Variants in LONP1 observed in about 807,000 individuals in gnomAD.
LONP1 encodes the protein lon protease homolog, mitochondrial.
Under a neutral mutation model 98.5 loss-of-function variants are expected in LONP1, and 31 were observed. The ratio of observed to expected loss-of-function variants is 0.31; its 90% CI spans 0.24 to 0.42. The LOEUF (loss-of-function observed/expected upper bound fraction) is 0.42. Ranked by LOEUF, LONP1 falls within the 20% of genes least tolerant of loss-of-function variation. The pLI is 1.00. For missense variants in LONP1, 1,336 were observed against 1,350.6 expected (o/e 0.99, Z 0.17); for synonymous variants, 781 against 594.7 (o/e 1.31, Z -4.56).
chr19:5,717,815 A>C (rs1242574272), intron 1 of LONP1, among the ~76,000 whole-genome samples: 1 of 151,774 alleles, frequency 6.6e-6, no homozygotes, highest in Non-Finnish European at 1.5e-5. Context: ...CCCAGTTTCA[A>C]GTGATCCTCC....
intron 17 of LONP1, among the ~76,000 whole-genome samples, chr19:5,692,410 C>G (rs1327519210): frequency 1.3e-5 from 2 of 152,220 alleles, no homozygotes; most frequent in Non-Finnish European, 2.9e-5. Context: ...TTGGCTCCAA[C>G]AGCCTGAGAG....
chr19:5,707,618 G>C, intron 6 of LONP1, 79 bp downstream of exon 6: 1 of 1,519,772 alleles, frequency 6.6e-7, no homozygotes, highest in South Asian at 1.2e-5. Flanking sequence ...GAGGAACGGG[G>C]GCAGCCGGGC....
At chr19:5,708,289 G>T (rs2055179744) in intron 5 of LONP1, 53 bp downstream of exon 5, 1 of 1,571,148 alleles carries the variant, frequency 6.4e-7, no homozygotes, top group Non-Finnish European at 8.7e-7. Flanking sequence ...CCCAGCTGCA[G>T]AAAGAGCTGC....
Position 5,720,108 on chromosome 19 carries a change from G to C in LONP1, c.25C>G (p.Arg9Gly), listed in dbSNP as rs1203768141. The stretch of plus-strand genomic sequence containing the variant: ...CAGCACCGCGCCGCTCCCCACAGTC[G>C]CACGTAGCCAGTGCTCGCCGCCATA... MAASTGYV[R>G]LWGAARCWVL... is the part of the protein sequence containing the mutation. Residue 9 changes from arginine (R) to glycine (G), a missense_variant, in exon 1 of 18, where the codon CGA becomes GGA. Transcript: ENST00000360614. 1 of 1,452,778 alleles carries C rather than the reference G, an allele frequency of 6.9e-7. No individual in the cohort carries two copies. The highest frequency in any genetic ancestry group is 9.0e-7 in the Non-Finnish European group (1 of 1,112,072). 90.0% of individuals were successfully genotyped at this position (1,452,778 alleles called of 1,614,324 possible).
chr19:5,703,478 G>A (rs539996205), intron 8 of LONP1, among the ~76,000 whole-genome samples: 2 of 152,270 alleles, frequency 1.3e-5, no homozygotes, highest in African/African-American at 2.4e-5. Flanking sequence ...GCAGTGAGCA[G>A]CGGCCACTAT....
At chr19:5,693,917 C>T (rs1448719843) in intron 15 of LONP1, 148 bp from the exon 16 acceptor site, 7 of 694,290 alleles carry the variant, frequency 1.0e-5, no homozygotes, top group African/African-American at 5.3e-5. Context: ...CGTGAGCCAA[C>T]GCTGGCCTCT....
At chr19:5,695,866 CCCACTCGCGCCACCTGCAG>C (rs2054916721) in intron 13 of LONP1, among the ~76,000 whole-genome samples, 169 bp downstream of exon 13, 1 of 152,204 alleles carries the variant, frequency 6.6e-6, no homozygotes, top group South Asian at 2.1e-4. Context: ...AAACCCTGCG[CCCACTCGCGCCACCTGCAG>C]CTGCTCGCAA....
intron 7 of LONP1, 67 bp from the exon 8 acceptor site, chr19:5,706,059 A>C: frequency 4.0e-6 from 4 of 1,002,996 alleles, no homozygotes; most frequent in Admixed American, 1.8e-5. Context: ...GCGTCCCCAG[A>C]CGAAGGGGGA....
At chr19:5,698,073 A>AC (rs1287181082) in intron 10 of LONP1, among the ~76,000 whole-genome samples, 1 of 70,836 alleles carries the variant, frequency 1.4e-5, no homozygotes, top group Non-Finnish European at 2.8e-5. Flanking sequence ...TCCCCCTCAC[A>AC]CCCCCCACCC....
intron 4 of LONP1, among the ~76,000 whole-genome samples, chr19:5,711,087 C>T (rs2055230034): frequency 6.6e-6 from 1 of 152,072 alleles, no homozygotes; most frequent in Non-Finnish European, 1.5e-5. Flanking sequence ...AAGTGCTGAC[C>T]TCAAGAACCC....
rs765767961 is a variant in LONP1, at chr19:5,692,098, G to A, written c.2814C>T (p.His938=). The A allele has an allele frequency of 6.2e-7, 1 of 1,614,172 alleles. No homozygotes were observed. The highest frequency in any genetic ancestry group is 8.5e-7 in the Non-Finnish European group (1 of 1,180,034). Reference sequence around the variant, plus strand: ...AGGCGATGTCGAAGATCTCCCGGTAGTGTTCCACGAAGTGCACCTCCAGGC... The same window carrying A: ...AGGCGATGTCGAAGATCTCCCGGTAATGTTCCACGAAGTGCACCTCCAGGC... ...TEGLEVHFVE[H]YREIFDIAFP... is the part of the protein sequence containing the mutation. Residue 938 remains histidine, a synonymous_variant, in exon 18 of 18, where the codon CAC becomes CAT. Transcript: ENST00000360614.
At chr19:5,716,715 A>T (rs2055330332) in intron 1 of LONP1, among the ~76,000 whole-genome samples, 1 of 152,176 alleles carries the variant, frequency 6.6e-6, no homozygotes, top group Non-Finnish European at 1.5e-5. Flanking sequence ...TTTCTTAGCA[A>T]GACAATTTTA....
intron 4 of LONP1, among the ~76,000 whole-genome samples, chr19:5,710,332 G>T (rs548650866): frequency 6.6e-6 from 1 of 151,652 alleles, no homozygotes; most frequent in Admixed American, 6.6e-5. Context: ...CAGGTGATCC[G>T]CCCACCTCGG....
At chr19:5,700,072 G>A (rs1364955639) in intron 9 of LONP1, among the ~76,000 whole-genome samples, 8 of 152,106 alleles carry the variant, frequency 5.3e-5, no homozygotes, top group African/African-American at 1.4e-4. Context: ...CCAAGTAGCT[G>A]GGACTGCAGA....
chr19:5,718,976 C>G (rs2055374285), intron 1 of LONP1, among the ~76,000 whole-genome samples: 1 of 152,180 alleles, frequency 6.6e-6, no homozygotes, highest in Non-Finnish European at 1.5e-5. Context: ...CATCCATGCT[C>G]TACTATTTCT....
chr19:5,713,023 C>T (rs1301302730), intron 3 of LONP1, 111 bp downstream of exon 3: 36 of 1,486,822 alleles, frequency 2.4e-5, no homozygotes, highest in Admixed American at 6.8e-5. Flanking sequence ...GTGAGAAAGC[C>T]GCTGGGCTGA....
intron 7 of LONP1, among the ~76,000 whole-genome samples, chr19:5,706,348 C>T (rs1394257375): frequency 2.0e-4 from 30 of 152,150 alleles, no homozygotes. Context: ...GTGGCTCACG[C>T]CTGTAATCCT....
At chr19:5,708,274 A>T in intron 5 of LONP1, 68 bp downstream of exon 5, 2 of 1,494,144 alleles carry the variant, frequency 1.3e-6, no homozygotes, top group Non-Finnish European at 1.8e-6. Context: ...GAAGCCCCCT[A>T]CCCACCCAGC....
Position 5,692,137 on chromosome 19 carries a change from G to C in LONP1, c.2775C>G (p.Ala925=). 6.2e-7 allele frequency: 1 copy of C among 1,614,174 alleles called. No homozygotes were observed. ...ENKKDFYDLA[A]FITEGLEVHF... is the part of the protein sequence containing the mutation. ...GCACCTCCAGGCCCTCGGTGATGAA[G>C]GCTGCCAGGTCGTAGAAGTCCTTCT... The change falls in exon 18 of 18, where the codon GCC becomes GCG. Residue 925 remains alanine (A), a synonymous_variant. Transcript: ENST00000360614.
Sources: gnomAD v4.1 joint callset for allele counts (sites outside exome capture counted in the v4.1 genomes callset) on GRCh38, gnomAD v4.1.1 for gene constraint, MANE v1.5 for transcripts, NCBI Gene and HGNC (gene_info 2026-07-23, HGNC 2026-07-21) for gene names.